Variants in PREX1 observed in about 807,000 individuals in gnomAD.
PREX1 encodes phosphatidylinositol 3,4,5-trisphosphate-dependent Rac exchanger 1 protein.
Under a neutral mutation model 198.3 loss-of-function variants are expected in PREX1, and 41 were observed. The ratio of observed to expected loss-of-function variants is 0.21; its 90% confidence interval spans 0.16 to 0.27. PREX1 has a LOEUF of 0.27. PREX1 is among the 10% of genes least tolerant of loss of function. The pLI, the probability that PREX1 is intolerant of heterozygous loss-of-function variation, is 1.00. For missense variants in PREX1, 1,620 were observed against 2,200.7 expected (o/e 0.74, Z 5.28); for synonymous variants, 843 against 887.2 (o/e 0.95, Z 0.89).
the PREX1 span, among the ~76,000 whole-genome samples, chr20:48,843,085 TC>T: frequency 6.6e-6 from 1 of 152,182 alleles, no homozygotes; most frequent in African/African-American, 2.4e-5. Context: ...GACTCCAAGG[TC>T]AACCTTGACT....
At chr20:48,862,884 C>T in the PREX1 span, among the ~76,000 whole-genome samples, 1 of 148,456 alleles carries the variant, frequency 6.7e-6, no homozygotes, top group African/African-American at 2.5e-5. Context: ...CACAGTGGTG[C>T]AATCACAGCT....
At chr20:48,842,954 G>A in the PREX1 span, among the ~76,000 whole-genome samples, 1 of 151,992 alleles carries the variant, frequency 6.6e-6, no homozygotes, top group East Asian at 1.9e-4. Flanking sequence ...TGTATGGTCG[G>A]GGCTAGCACA....
intron 1 of PREX1, among the ~76,000 whole-genome samples, chr20:48,822,786 GGTTATT>G (rs1190322820): frequency 6.6e-6 from 1 of 152,046 alleles, no homozygotes; most frequent in Non-Finnish European, 1.5e-5. Flanking sequence ...TGTATATTAT[GGTTATT>G]GTTTATTTTC....
At chr20:48,801,607 C>T (rs2090387037) in intron 1 of PREX1, among the ~76,000 whole-genome samples, 1 of 152,220 alleles carries the variant, frequency 6.6e-6, no homozygotes, top group Non-Finnish European at 1.5e-5. Flanking sequence ...CTCCTCCCAC[C>T]ACCACCCTGG....
chr20:48,734,268 G>A (rs1449874303), intron 4 of PREX1, among the ~76,000 whole-genome samples: 4 of 152,112 alleles, frequency 2.6e-5, no homozygotes, highest in Non-Finnish European at 5.9e-5. Flanking sequence ...TTGCCACACA[G>A]CCACACCCAC....
In PREX1 at chr20:48,783,558, G is replaced by A. The variant is rs146198802; in HGVS notation, c.220-35678C>T. ...AGTGACATCACCAGGAAGAGAAGAG[G>A]CCCACAGGTGGGGGCTGGCACCCCC... On this transcript the variant is annotated intron_variant, in intron 1 of 39. Transcript: ENST00000371941. Among the ~76,000 whole-genome samples the A allele has an allele frequency of 2.6e-3, 391 of 152,190 alleles. 1 individual carries two copies. The highest frequency in any genetic ancestry group is 4.4e-3 in the Non-Finnish European group (299 of 68,020).
At chr20:48,862,921 A>C in the PREX1 span, among the ~76,000 whole-genome samples, 1 of 151,318 alleles carries the variant, frequency 6.6e-6, no homozygotes, top group Admixed American at 6.6e-5. Flanking sequence ...TTCTAGGCTC[A>C]AACGATCCTC....
At chr20:48,863,150 T>A in the PREX1 span, among the ~76,000 whole-genome samples, 1 of 152,166 alleles carries the variant, frequency 6.6e-6, no homozygotes, top group African/African-American at 2.4e-5. Context: ...TTTCAGAGAA[T>A]TTTATGTTTA....
rs144130155 is a variant in PREX1, at chr20:48,642,335, C to T, written c.3684+72G>A. On this transcript the variant is annotated intron_variant, in intron 28 of 39. Coordinates refer to ENST00000371941, the MANE Select transcript of PREX1 (RefSeq NM_020820.4). ...GCAGACATCTGGGACCCACAGCCCC[C>T]GGGTCATGGGCCCTCCCCAGGTGTG... 1.1e-5 allele frequency: 17 copies of T among 1,603,226 alleles called. No homozygotes were observed. The East Asian group carries it at 1.1e-4, about 11-fold the overall frequency.
At chr20:48,832,059 C>A (rs1409005155), upstream of PREX1, among the ~76,000 whole-genome samples, 1 of 151,556 alleles carries the variant, frequency 6.6e-6, no homozygotes, top group African/African-American at 2.4e-5. Context: ...CAGGGCAGGG[C>A]CTGAAACAGC....
intron 18 of PREX1, 50 bp from the exon 19 acceptor site, chr20:48,655,425 T>C: frequency 7.2e-7 from 1 of 1,395,846 alleles, no homozygotes; most frequent in Non-Finnish European, 9.7e-7. Flanking sequence ...AAAACCAGCA[T>C]CACTCTCAAT....
chr20:48,734,750 T>C, intron 3 of PREX1, 100 bp from the exon 4 acceptor site: 1 of 963,024 alleles, frequency 1.0e-6, no homozygotes, highest in Non-Finnish European at 1.6e-6. Context: ...GGGTAAGGAC[T>C]ACCCTGACCC....
chr20:48,740,659 C>A (rs2090077033), intron 3 of PREX1, among the ~76,000 whole-genome samples: 1 of 152,212 alleles, frequency 6.6e-6, no homozygotes, highest in Admixed American at 6.5e-5. Flanking sequence ...CTGAGACAGA[C>A]TGACTCAACC....
chr20:48,852,225 A>G, the PREX1 span, among the ~76,000 whole-genome samples: 2 of 152,122 alleles, frequency 1.3e-5, no homozygotes, highest in Non-Finnish European at 2.9e-5. Context: ...AAGGTTAAGG[A>G]TATATTTAGG....
At chr20:48,690,893 G>A (rs1050051886) in intron 9 of PREX1, 54 bp downstream of exon 9, 27 of 1,608,920 alleles carry the variant, frequency 1.7e-5, no homozygotes, top group Admixed American at 5.0e-5. Context: ...CCACTCAGAA[G>A]AAGCCACGCA....
In PREX1 at chr20:48,630,845, C is replaced by G. The variant is rs374212230; in HGVS notation, c.4527-51G>C. 4.3e-6 allele frequency: 6 copies of G among 1,389,644 alleles called. No individual in the cohort carries two copies. The African/African-American group carries it at 8.6e-5, about 20-fold the overall frequency. 86.1% of individuals were successfully genotyped at this position (1,389,644 alleles called of 1,614,324 possible). A position where few individuals can be genotyped will look rare whatever the true frequency, so the allele number is the denominator to read the frequency against. On this transcript the variant is annotated intron_variant, in intron 35 of 39. Transcript: ENST00000371941. Reference sequence around the variant, plus strand: ...CGGGGGCCACCACACCCACCATCCTCCTGCCCCTACCCAGGTCTCAACTCC... The same window carrying G: ...CGGGGGCCACCACACCCACCATCCTGCTGCCCCTACCCAGGTCTCAACTCC...
At chr20:48,650,252 T>G in intron 23 of PREX1, 46 bp from the exon 24 acceptor site, 1 of 1,546,910 alleles carries the variant, frequency 6.5e-7, no homozygotes, top group Non-Finnish European at 8.9e-7. Flanking sequence ...GGGCAGGGTC[T>G]GGAAATATTG....
chr20:48,788,496 T>C (rs2090323175), intron 1 of PREX1, among the ~76,000 whole-genome samples: 1 of 152,162 alleles, frequency 6.6e-6, no homozygotes, highest in Non-Finnish European at 1.5e-5. Flanking sequence ...GCTTGAAAGG[T>C]GTTGCTCATC....
At chr20:48,698,830 T>G (rs1166324964) in intron 7 of PREX1, among the ~76,000 whole-genome samples, 1 of 152,214 alleles carries the variant, frequency 6.6e-6, no homozygotes, top group East Asian at 1.9e-4. Context: ...GCACTCACTA[T>G]GTCCCAGGCA....
Sources: allele counts gnomAD v4.1 joint callset (sites outside exome capture counted in the v4.1 genomes callset), GRCh38; gene constraint gnomAD v4.1.1; transcripts MANE v1.5; gene names NCBI Gene and HGNC (gene_info 2026-07-23, HGNC 2026-07-21).